Variants in TBC1D2B observed in about 807,000 individuals in gnomAD.
The protein encoded by TBC1D2B is TBC1 domain family member 2B, also known as TBC1 domain family, member 2B.
In TBC1D2B, 64 loss-of-function variants were observed where a neutral mutation model predicts 100.8. The ratio of observed to expected loss-of-function variants is 0.64; its 90% CI spans 0.52 to 0.78. The LOEUF is 0.78. Ranked by LOEUF, TBC1D2B falls within the 30% of genes least tolerant of loss-of-function variation. The pLI is 0.00. For missense variants in TBC1D2B, 1,052 were observed against 1,218.4 expected, an observed-to-expected ratio of 0.86 and a Z score of 2.03; for synonymous variants, 480 against 479.7, an observed-to-expected ratio of 1.00 and a Z score of -0.01.
chr15:78,003,476 C>T lies in TBC1D2B; in HGVS notation c.2403G>A (p.Val801=). The change falls in exon 11 of 13, where the codon GTG becomes GTA. Residue 801 remains valine (V), a synonymous_variant. Coordinates refer to ENST00000300584, the MANE Select transcript of TBC1D2B (RefSeq NM_144572.2). ...GCTTCTCACTCATAAGGTCTCTGAACACCCGCTGGTCCACCTGGAGAGGGA... is the reference window on the plus strand; with the variant it reads ...GCTTCTCACTCATAAGGTCTCTGAATACCCGCTGGTCCACCTGGAGAGGGA... ...TLLGSQVDQR[V]FRDLMSEKLP... 6.2e-7 allele frequency: 1 copy of T among 1,609,536 alleles called. No individual in the cohort carries two copies. Among genetic ancestry groups the T allele is most frequent in the Non-Finnish European group, 8.5e-7 (1 of 1,176,146 alleles).
chr15:78,055,322 TCAA>T (rs1197255609), intron 1 of TBC1D2B, among the ~76,000 whole-genome samples: 2 of 147,008 alleles, frequency 1.4e-5, no homozygotes, highest in African/African-American at 5.0e-5. Flanking sequence ...AAAAAAAAAA[TCAA>T]CCAAGATGGG....
Position 78,045,048 on chromosome 15 carries a change from T to G in TBC1D2B, c.535A>C (p.Asn179His). The G allele has an allele frequency of 6.2e-7, 1 of 1,609,636 alleles. No individual in the cohort carries two copies. Among genetic ancestry groups the G allele is most frequent in the Non-Finnish European group, 8.5e-7 (1 of 1,177,394 alleles). The part of the protein sequence containing the change: ...DNTDLIYPHP[N>H]ASAEKARNVL... Reference sequence around the variant, plus strand: ...TTTCTGGCTTTTTCTGCAGAAGCATTTGGGTGTGGGTAAATTAAATCTGAA... The same window carrying G: ...TTTCTGGCTTTTTCTGCAGAAGCATGTGGGTGTGGGTAAATTAAATCTGAA... Residue 179 changes from asparagine to histidine, a missense_variant, in exon 3 of 13, where the codon AAT (asparagine) becomes CAT (histidine). This residue lies in a region of TBC1D2B where 627 missense variants were observed against 646.1 expected (regional missense o/e 0.97). Transcript: ENST00000300584.
chr15:78,045,200 AC>A, intron 2 of TBC1D2B, 132 bp from the exon 3 acceptor site: 1 of 731,446 alleles, frequency 1.4e-6, no homozygotes, highest in Non-Finnish European at 2.1e-6. Flanking sequence ...AATGTATACT[AC>A]ATAAAAACAT....
intron 2 of TBC1D2B, among the ~76,000 whole-genome samples, chr15:78,048,419 A>G (rs985457351): frequency 6.6e-6 from 1 of 152,222 alleles, no homozygotes; most frequent in Non-Finnish European, 1.5e-5. Context: ...AAGGGAAAAC[A>G]CAAACTAGGA....
At chr15:78,040,900 A>AAGAAAGAAAGAAAGAAAGAGAGAGAGAG in intron 3 of TBC1D2B, among the ~76,000 whole-genome samples, 20 of 147,238 alleles carry the variant, frequency 1.4e-4, no homozygotes, top group Non-Finnish European at 1.5e-5. Context: ...GAGAGAAAGA[A>AAGAAAGAAAGAAAGAAAGAGAGAGAGAG]AGAAAGAAAG....
intron 5 of TBC1D2B, 51 bp from the exon 6 acceptor site, chr15:78,024,590 A>G (rs2072609627): frequency 6.7e-7 from 1 of 1,502,922 alleles, no homozygotes; most frequent in Non-Finnish European, 8.9e-7. Context: ...CAAGGAGAGG[A>G]GGAAAAGCAG....
chr15:78,067,495 A>C (rs79639716), intron 1 of TBC1D2B, among the ~76,000 whole-genome samples: 3,867 of 152,306 alleles, frequency 0.025, 153 homozygotes, highest in African/African-American at 0.089. Flanking sequence ...TGGAGAGGAA[A>C]ATGAATACTG....
At chr15:78,029,051 T>C (rs1339710981) in intron 4 of TBC1D2B, among the ~76,000 whole-genome samples, 1 of 149,956 alleles carries the variant, frequency 6.7e-6, no homozygotes, top group South Asian at 2.1e-4. Context: ...AAAGAAGTTG[T>C]GGTTATAATT....
chr15:78,040,882 G>GAAAGAAAGAAAGAAAGAAAGAAAGAA (rs1471917186), intron 3 of TBC1D2B, among the ~76,000 whole-genome samples: 66 of 130,160 alleles, frequency 5.1e-4, no homozygotes, highest in South Asian at 1.7e-3. Flanking sequence ...AAGAAAGAAA[G>GAAAGAAAGAAAGAAAGAAAGAAAGAA]AGAGAGAGAG....
chr15:78,056,315 T>C (rs2073420718), intron 1 of TBC1D2B, among the ~76,000 whole-genome samples: 1 of 152,218 alleles, frequency 6.6e-6, no homozygotes, highest in Non-Finnish European at 1.5e-5. Flanking sequence ...GGCAAGGACC[T>C]GGCCCTGAAG....
In TBC1D2B at chr15:78,001,658, T is replaced by G; in HGVS notation, c.2657A>C (p.Lys886Thr). The change falls in exon 12 of 13, where the codon AAG becomes ACG. Residue 886 changes from lysine to threonine, a missense_variant. By Grantham distance (78) the Lys-to-Thr change is moderately conservative. This residue lies in a region of TBC1D2B where 373 missense variants were observed against 464.9 expected (regional missense o/e 0.80). Coordinates refer to ENST00000300584, the MANE Select transcript of TBC1D2B (RefSeq NM_144572.2). ...AGTGCGAGTGAAGTAGCGGAGATACTTAAATATAGACATCGAATCTTGCAA... is the reference window on the plus strand; with the variant it reads ...AGTGCGAGTGAAGTAGCGGAGATACGTAAATATAGACATCGAATCTTGCAA... ...LKLQDSMSIF[K>T]YLRYFTRTIL... 6.2e-7 allele frequency: 1 copy of G among 1,608,706 alleles called. No individual in the cohort carries two copies. Among genetic ancestry groups the G allele is most frequent in the African/African-American group, 1.3e-5 (1 of 74,978 alleles).
At chr15:78,034,285 G>C (rs1006957457) in intron 3 of TBC1D2B, among the ~76,000 whole-genome samples, 1 of 152,182 alleles carries the variant, frequency 6.6e-6, no homozygotes, top group African/African-American at 2.4e-5. Context: ...TCTCACAAAT[G>C]CTGGCTATAC....
intron 1 of TBC1D2B, among the ~76,000 whole-genome samples, chr15:78,062,820 A>G (rs965479820): frequency 1.3e-5 from 2 of 152,220 alleles, no homozygotes; most frequent in African/African-American, 4.8e-5. Context: ...TTCGCTTTAT[A>G]CACACTGTCA....
intron 9 of TBC1D2B, 138 bp downstream of exon 9, chr15:78,012,685 C>T: frequency 1.1e-6 from 1 of 878,180 alleles, no homozygotes; most frequent in Non-Finnish European, 1.6e-6. Context: ...GTAATGAAAA[C>T]TGGCTTGCTG....
At chr15:78,072,999 T>G (rs1023712679) in intron 1 of TBC1D2B, among the ~76,000 whole-genome samples, 3 of 152,110 alleles carry the variant, frequency 2.0e-5, no homozygotes, top group Admixed American at 6.5e-5. Flanking sequence ...TTAAATGCAA[T>G]AGAAGGAAAG....
chr15:78,017,942 A>T lies in TBC1D2B; in HGVS notation c.1486T>A (p.Tyr496Asn). 6.3e-7 allele frequency: 1 copy of T among 1,592,494 alleles called. No individual in the cohort carries two copies. The highest frequency in any genetic ancestry group is 8.6e-7 in the Non-Finnish European group (1 of 1,167,182). Residue 496 changes from tyrosine to asparagine, a missense_variant, in exon 7 of 13, where the codon TAC becomes AAC. Physicochemically the swap from Tyr to Asn is moderately radical, Grantham distance 143. Coordinates refer to ENST00000300584, the MANE Select transcript of TBC1D2B (RefSeq NM_144572.2). Reference sequence around the variant, plus strand: ...TTTAGAAATTTGTTTTGGGTTTTGTACCCCTGTAGATTATCCTGTTAGAAA... The same window carrying T: ...TTTAGAAATTTGTTTTGGGTTTTGTTCCCCTGTAGATTATCCTGTTAGAAA... ...LDRLKDNLQG[Y>N]KTQNKFLNKE...
intron 1 of TBC1D2B, among the ~76,000 whole-genome samples, chr15:78,063,935 T>G (rs897129971): frequency 6.6e-6 from 1 of 151,950 alleles, no homozygotes; most frequent in East Asian, 1.9e-4. Flanking sequence ...TGCAACAGCT[T>G]CCTAACTGGA....
intron 8 of TBC1D2B, among the ~76,000 whole-genome samples, chr15:78,014,271 G>A (rs2072311604): frequency 6.6e-6 from 1 of 152,188 alleles, no homozygotes; most frequent in African/African-American, 2.4e-5. Context: ...GTTGTTTTAA[G>A]CCACTATGTT....
At position 77,995,567 on chromosome 15, in the gene TBC1D2B, A is replaced by G. The variant is rs557260304; in HGVS notation, c.*2593T>C. The G allele has an allele frequency of 2.6e-4, 39 of 152,382 alleles. No individual in the cohort carries two copies. Among genetic ancestry groups the G allele is most frequent in the African/African-American group, 8.2e-4 (34 of 41,532 alleles). 9.4% of individuals were successfully genotyped at this position (152,382 alleles called of 1,614,324 possible). A position where few individuals can be genotyped will look rare whatever the true frequency, so the allele number is the denominator to read the frequency against. On this transcript the variant is annotated 3_prime_UTR_variant, in exon 13 of 13. Coordinates refer to ENST00000300584, the MANE Select transcript of TBC1D2B (RefSeq NM_144572.2). ...CATAATAACTTGTTATATAAAATAG[A>G]TATGTGGAATCTAGAAACACCTTGA...
Sources: gnomAD v4.1 joint callset for allele counts (sites outside exome capture counted in the v4.1 genomes callset) on GRCh38, gnomAD v4.1.1 for gene constraint, gnomAD v4.1.1 regional missense constraint, MANE v1.5 for transcripts, NCBI Gene and HGNC (gene_info 2026-07-23, HGNC 2026-07-21) for gene names.